The following SCMH1 variants were observed in gnomAD, a reference collection of about 807,000 sequenced individuals.
SCMH1 encodes polycomb protein SCMH1.
SCMH1 carries 37 observed loss-of-function variants against 70.8 expected under a neutral mutation model. That is an observed-to-expected ratio of 0.52 (90% CI 0.40 to 0.69). The LOEUF (loss-of-function observed/expected upper bound fraction) is 0.69, where lower values mean the gene tolerates loss of function less well. SCMH1 is among the 30% of genes least tolerant of loss of function. The probability of loss-of-function intolerance (pLI) is 0.00; values close to 1 mark genes in which losing one functional copy is unlikely to be tolerated. For missense variants in SCMH1, 607 were observed against 827.3 expected, an observed-to-expected ratio of 0.73 and a Z score of 3.27; for synonymous variants, 292 against 307.4, an observed-to-expected ratio of 0.95 and a Z score of 0.52.
chr1:41,067,458 CAAAAA>C (rs60607308), intron 10 of SCMH1, among the ~76,000 whole-genome samples: 8 of 60,298 alleles, frequency 1.3e-4, no homozygotes, highest in Admixed American at 1.9e-4. Context: ...ACAACAACAA[CAAAAA>C]AAAAAAAAAA....
rs572638082 is a variant in SCMH1 at position 41,209,153 on chromosome 1, A to G, written c.-117-22903T>C. Among the ~76,000 whole-genome samples the G allele has an allele frequency of 2.6e-5, 4 of 152,336 alleles. No homozygotes were observed. The East Asian group carries it at 5.8e-4, about 22-fold the overall frequency. On this transcript the variant is annotated intron_variant, in intron 1 of 14. Transcript: ENST00000337495. ...AATTCCTGGACACATACACCCTCCC[A>G]AGACTAAACCAGGAAGAAGTTGAAT...
At chr1:41,039,615 T>G (rs1388014703) in intron 12 of SCMH1, among the ~76,000 whole-genome samples, 1 of 151,440 alleles carries the variant, frequency 6.6e-6, no homozygotes, top group Non-Finnish European at 1.5e-5. Flanking sequence ...AAGTAGTGCA[T>G]GCCATCATGC....
At chr1:41,046,338 TG>T in intron 12 of SCMH1, 68 bp downstream of exon 12, 2 of 1,396,412 alleles carry the variant, frequency 1.4e-6, no homozygotes, top group Non-Finnish European at 2.0e-6. Context: ...AGGCTGACCC[TG>T]GGCCCCTGCA....
chr1:41,180,172 T>A (rs1273002480), intron 2 of SCMH1, among the ~76,000 whole-genome samples: 1 of 152,160 alleles, frequency 6.6e-6, no homozygotes, highest in East Asian at 1.9e-4. Flanking sequence ...CAACACTTCA[T>A]GCTAAAAACT....
intron 8 of SCMH1, among the ~76,000 whole-genome samples, chr1:41,105,429 A>G (rs1254614082): frequency 6.6e-6 from 1 of 152,226 alleles, no homozygotes; most frequent in Non-Finnish European, 1.5e-5. Context: ...TACTGAATAA[A>G]TGGCATGTTC....
chr1:41,099,607 C>T (rs1305603081), intron 8 of SCMH1, among the ~76,000 whole-genome samples: 1 of 152,182 alleles, frequency 6.6e-6, no homozygotes, highest in East Asian at 1.9e-4. Flanking sequence ...GGTTCAAGTC[C>T]TTGCAAATAA....
intron 1 of SCMH1, among the ~76,000 whole-genome samples, chr1:41,186,517 A>C (rs1284345450): frequency 1.3e-5 from 2 of 152,190 alleles, no homozygotes; most frequent in Non-Finnish European, 2.9e-5. Flanking sequence ...TTTAGTTTCC[A>C]GCTAACCAGG....
intron 2 of SCMH1, among the ~76,000 whole-genome samples, chr1:41,179,147 A>G (rs1390805677): frequency 6.6e-6 from 1 of 152,220 alleles, no homozygotes; most frequent in Non-Finnish European, 1.5e-5. Context: ...TGGGTACATA[A>G]CGAAATGAAG....
At chr1:41,028,169 G>C in exon 15 of SCMH1, 8 of 1,613,754 alleles carry the variant, frequency 5.0e-6, no homozygotes, top group Non-Finnish European at 6.8e-6. Context: ...GCTGCCACTT[G>C]GTTGTCTAGG....
At chr1:41,072,426 T>C (rs1470572639) in intron 9 of SCMH1, among the ~76,000 whole-genome samples, 1 of 152,252 alleles carries the variant, frequency 6.6e-6, no homozygotes, top group Non-Finnish European at 1.5e-5. Context: ...ATTTCCATTT[T>C]ACAGGTGAGA....
chr1:41,240,670 AAAGG>A (rs1341529437), intron 1 of SCMH1, among the ~76,000 whole-genome samples: 1 of 152,114 alleles, frequency 6.6e-6, no homozygotes, highest in Non-Finnish European at 1.5e-5. Context: ...ACATTTTTTA[AAAGG>A]AAGGAAACCC....
intron 8 of SCMH1, among the ~76,000 whole-genome samples, chr1:41,086,296 C>T (rs34660906): frequency 0.072 from 10,882 of 152,086 alleles, 534 homozygotes; most frequent in Middle Eastern, 0.12. Flanking sequence ...ATACAAAACT[C>T]AACAGCCTTC....
At chr1:41,125,855 G>A (rs1673060363) in intron 6 of SCMH1, among the ~76,000 whole-genome samples, 2 of 152,126 alleles carry the variant, frequency 1.3e-5, no homozygotes, top group South Asian at 4.1e-4. Context: ...GGGATTACAG[G>A]TGTATCAGGT....
At chr1:41,045,935 A>G (rs1348016451) in intron 12 of SCMH1, 2 of 153,450 alleles carry the variant, frequency 1.3e-5, no homozygotes, top group African/African-American at 4.8e-5. Context: ...TTGACTTGCT[A>G]GACTGGCAGT....
At chr1:41,197,993 T>C (rs1172608124) in intron 1 of SCMH1, among the ~76,000 whole-genome samples, 12 of 152,196 alleles carry the variant, frequency 7.9e-5, no homozygotes, top group Admixed American at 7.9e-4. Context: ...ACTAACTTTG[T>C]CACTAGCTAT....
chr1:41,085,166 C>CA (rs1558740765), intron 8 of SCMH1, among the ~76,000 whole-genome samples: 1 of 150,160 alleles, frequency 6.7e-6, no homozygotes, highest in South Asian at 2.1e-4. Context: ...CAAGAAAAAG[C>CA]AAAAAAAGAA....
chr1:41,199,576 T>C lies in SCMH1; in HGVS notation c.-117-13326A>G, dbSNP rs551465836. Among the ~76,000 whole-genome samples, 144 of 152,284 alleles carry C rather than the reference T, an allele frequency of 9.5e-4. 5 individuals are homozygous for C. The South Asian group carries it at 0.028, about 30-fold the overall frequency. ...TTGGAAGTTAAGGTTAAGGCACCCATGGTCACTCAACTTCTAAATGCAAAA... is the reference window on the plus strand; with the variant it reads ...TTGGAAGTTAAGGTTAAGGCACCCACGGTCACTCAACTTCTAAATGCAAAA... On this transcript the variant is annotated intron_variant, in intron 1 of 14. Coordinates refer to ENST00000337495, the Ensembl canonical transcript of SCMH1.
chr1:41,071,068 T>C (rs979732666), intron 9 of SCMH1, among the ~76,000 whole-genome samples: 6 of 152,170 alleles, frequency 3.9e-5, no homozygotes, highest in Non-Finnish European at 8.8e-5. Flanking sequence ...TGACATTACT[T>C]TGTACTTTAT....
intron 1 of SCMH1, among the ~76,000 whole-genome samples, chr1:41,225,386 T>C (rs1278814921): frequency 6.6e-6 from 1 of 152,206 alleles, no homozygotes; most frequent in Non-Finnish European, 1.5e-5. Context: ...TTTTTATATC[T>C]GAGATATGTA....
Sources: gnomAD v4.1 joint callset for allele counts (sites outside exome capture counted in the v4.1 genomes callset) on GRCh38, gnomAD v4.1.1 for gene constraint, MANE v1.5 for transcripts, NCBI Gene and HGNC (gene_info 2026-07-23, HGNC 2026-07-21) for gene names.